The following PARD3B variants were observed in gnomAD, a reference collection of about 807,000 sequenced individuals.
PARD3B encodes partitioning defective 3 homolog B.
PARD3B carries 103 observed loss-of-function variants against 130.2 expected under a neutral mutation model. The observed-to-expected ratio is 0.79, with a 90% CI of 0.67 to 0.93. PARD3B has a LOEUF of 0.93. Ranked by LOEUF, PARD3B falls within the 40% of genes least tolerant of loss-of-function variation. PARD3B has a pLI of 0.00. For synonymous variants in PARD3B, 583 were observed against 553.2 expected, an observed-to-expected ratio of 1.05 and a Z score of -0.76; for missense variants, 1,609 against 1,499.2, an observed-to-expected ratio of 1.07 and a Z score of -1.21.
At chr2:204,989,669 G>A (rs887220382) in intron 3 of PARD3B, among the ~76,000 whole-genome samples, 1 of 151,862 alleles carries the variant, frequency 6.6e-6, no homozygotes, top group African/African-American at 2.4e-5. Flanking sequence ...GGAGTTCATT[G>A]TTTAGTTTTG....
At chr2:204,863,009 T>A (rs1224184335) in intron 2 of PARD3B, among the ~76,000 whole-genome samples, 2 of 152,118 alleles carry the variant, frequency 1.3e-5, no homozygotes, top group Non-Finnish European at 2.9e-5. Context: ...GTCCTCCCAG[T>A]GTGCAGGTGG....
intron 2 of PARD3B, among the ~76,000 whole-genome samples, chr2:204,964,795 G>A (rs1691081553): frequency 6.6e-6 from 1 of 151,960 alleles, no homozygotes; most frequent in Admixed American, 6.6e-5. Flanking sequence ...TTCATTTTTG[G>A]AAGCACTCTT....
intron 1 of PARD3B, among the ~76,000 whole-genome samples, chr2:204,676,194 T>C (rs1341845174): frequency 6.6e-6 from 1 of 152,002 alleles, no homozygotes; most frequent in African/African-American, 2.4e-5. Flanking sequence ...TCAAAAATAA[T>C]GTTCAAATCA....
At chr2:204,562,632 T>C (rs1242051063) in intron 1 of PARD3B, among the ~76,000 whole-genome samples, 2 of 152,172 alleles carry the variant, frequency 1.3e-5, no homozygotes, top group Non-Finnish European at 2.9e-5. Context: ...TTGGTAACTT[T>C]AAATATTAGG....
At chr2:204,564,298 G>C (rs766391945) in intron 1 of PARD3B, among the ~76,000 whole-genome samples, 6 of 152,194 alleles carry the variant, frequency 3.9e-5, no homozygotes, top group Non-Finnish European at 8.8e-5. Flanking sequence ...TGGGCACTCA[G>C]AAGGAAGAGA....
chr2:205,603,287 G>GGA, intron 22 of PARD3B, among the ~76,000 whole-genome samples: 2 of 152,264 alleles, frequency 1.3e-5, no homozygotes, highest in Admixed American at 1.3e-4. Context: ...ATCAATTTTA[G>GGA]AGTAAGTGCC....
intron 1 of PARD3B, among the ~76,000 whole-genome samples, chr2:204,570,830 ATAAGC>A (rs2031956725): frequency 6.7e-6 from 1 of 149,822 alleles, no homozygotes; most frequent in African/African-American, 2.5e-5. Context: ...ACTGAGGTGT[ATAAGC>A]TGTTGCAACT....
At chr2:205,363,358 C>T (rs1184703750) in intron 18 of PARD3B, among the ~76,000 whole-genome samples, 1 of 152,112 alleles carries the variant, frequency 6.6e-6, no homozygotes, top group Non-Finnish European at 1.5e-5. Context: ...CCTTACCCGC[C>T]AAATCCATAG....
At chr2:205,449,465 A>T (rs1194796673) in intron 20 of PARD3B, among the ~76,000 whole-genome samples, 7 of 152,060 alleles carry the variant, frequency 4.6e-5, no homozygotes, top group Admixed American at 4.6e-4. Context: ...TCCTGACCTC[A>T]GGTGATCCAC....
At chr2:204,853,781 A>G (rs911135630) in intron 2 of PARD3B, among the ~76,000 whole-genome samples, 2 of 152,232 alleles carry the variant, frequency 1.3e-5, no homozygotes, top group Non-Finnish European at 2.9e-5. Context: ...ATCCTTGCCC[A>G]TATAGGCCTC....
At chr2:204,590,326 C>A (rs1293442246) in intron 1 of PARD3B, among the ~76,000 whole-genome samples, 1 of 152,178 alleles carries the variant, frequency 6.6e-6, no homozygotes, top group Non-Finnish European at 1.5e-5. Context: ...CCTAATACAT[C>A]CCATTTGGGA....
At chr2:205,467,023 T>C in intron 20 of PARD3B, among the ~76,000 whole-genome samples, 1 of 152,246 alleles carries the variant, frequency 6.6e-6, no homozygotes, top group East Asian at 1.9e-4. Flanking sequence ...AGGCTTGGTA[T>C]TATTTTAACT....
At position 204,943,564 on chromosome 2, in the gene PARD3B, G is replaced by C. The variant is rs1450867139; in HGVS notation, c.223-21588G>C. ...AAATTGCTCGTAATGGAGGTAAATG[G>C]CTTGTGCCATGAGAAACCAAACTGT... On this transcript the variant is annotated intron_variant, in intron 2 of 22. Coordinates refer to ENST00000406610, the MANE Select transcript of PARD3B (RefSeq NM_001302769.2). This position sits in a 1 kb window ranked among gnomAD's most constrained non-coding sequence, Gnocchi z 4.2. 6.6e-6 allele frequency among the ~76,000 whole-genome samples: 1 copy of C among 152,160 alleles called. No homozygotes were observed. Among genetic ancestry groups the C allele is most frequent in the Non-Finnish European group, 1.5e-5 (1 of 68,028 alleles).
intron 4 of PARD3B, among the ~76,000 whole-genome samples, chr2:205,101,112 A>C (rs1702754121): frequency 6.6e-6 from 1 of 152,170 alleles, no homozygotes; most frequent in Admixed American, 6.5e-5. Flanking sequence ...TGTATATGGA[A>C]TATTTAAAGA....
At chr2:204,971,722 C>G (rs918006267) in intron 3 of PARD3B, among the ~76,000 whole-genome samples, 3 of 151,570 alleles carry the variant, frequency 2.0e-5, no homozygotes, top group African/African-American at 7.3e-5. Context: ...ATATAGTCAA[C>G]AAAGTGTGTG....
intron 5 of PARD3B, among the ~76,000 whole-genome samples, chr2:205,108,846 ACTCT>A (rs1390780238): frequency 3.3e-5 from 5 of 151,922 alleles, no homozygotes; most frequent in Non-Finnish European, 7.4e-5. Flanking sequence ...AAGTTATTAA[ACTCT>A]CTAAGCATAA....
Position 204,890,760 on chromosome 2 carries a change from C to A in PARD3B, c.223-74392C>A, listed in dbSNP as rs531964562. ...GGCAGGGATGTCCCCTCTTGCTCAG[C>A]CTCCCATCCTGTGTTCCCTCACTCA... On this transcript the variant is annotated intron_variant, in intron 2 of 22. Transcript: ENST00000406610. This position sits in a 1 kb window ranked among gnomAD's most constrained non-coding sequence, Gnocchi z 4.9. 4.6e-5 allele frequency among the ~76,000 whole-genome samples: 7 copies of A among 152,318 alleles called. No homozygotes were observed. The East Asian group carries it at 1.4e-3, about 29-fold the overall frequency.
At chr2:204,642,858 A>T (rs1407566729) in intron 1 of PARD3B, among the ~76,000 whole-genome samples, 1 of 151,336 alleles carries the variant, frequency 6.6e-6, no homozygotes, top group Non-Finnish European at 1.5e-5. Context: ...TCACACCTGT[A>T]ATCCCAGCAC....
Position 205,563,728 on chromosome 2 carries a change from C to T in PARD3B, c.3260+10325C>T, listed in dbSNP as rs1447148372. On this transcript the variant is annotated intron_variant, in intron 22 of 22. Coordinates refer to ENST00000406610, the MANE Select transcript of PARD3B (RefSeq NM_001302769.2). The surrounding 1 kb of genome is among the most constrained non-coding windows in gnomAD (Gnocchi z 4.2). ...TAAAGAAAAACACTTTTGAATCACACACTTTTTCTTCTTTTATCACTGTAA... is the reference window on the plus strand; with the variant it reads ...TAAAGAAAAACACTTTTGAATCACATACTTTTTCTTCTTTTATCACTGTAA... Among the ~76,000 whole-genome samples, 1 of 152,012 alleles carries T rather than the reference C, an allele frequency of 6.6e-6. No individual in the cohort carries two copies. The highest frequency in any genetic ancestry group is 1.9e-4 in the East Asian group (1 of 5,186).
Sources: gnomAD v4.1 joint callset for allele counts (sites outside exome capture counted in the v4.1 genomes callset) on GRCh38, gnomAD v4.1.1 for gene constraint, Gnocchi (gnomAD v3.1) non-coding constraint, MANE v1.5 for transcripts, NCBI Gene and HGNC (gene_info 2026-07-23, HGNC 2026-07-21) for gene names.